MAGI3: variants seen among roughly 807,000 people sequenced by gnomAD.
MAGI3 encodes membrane-associated guanylate kinase, WW and PDZ domain-containing protein 3.
In MAGI3, 43 loss-of-function variants were observed where a neutral mutation model predicts 121.8. That is an observed-to-expected ratio of 0.35 (90% CI 0.28 to 0.46). The LOEUF (loss-of-function observed/expected upper bound fraction) is 0.46, where lower values mean the gene tolerates loss of function less well. MAGI3 is among the 20% of genes least tolerant of loss of function. The pLI, the probability that MAGI3 is intolerant of heterozygous loss-of-function variation, is 1.00. For synonymous variants in MAGI3, 553 were observed against 639.3 expected (o/e 0.86, Z 2.04); for missense variants, 1,547 against 1,797.3 (o/e 0.86, Z 2.52).
intron 1 of MAGI3, among the ~76,000 whole-genome samples, chr1:113,483,124 C>A (rs1271180559): frequency 6.6e-6 from 1 of 152,120 alleles, no homozygotes; most frequent in East Asian, 1.9e-4. Context: ...CTTTTCTTAC[C>A]TTTTAAAAGA....
intron 1 of MAGI3, chr1:113,450,299 T>A: frequency 6.4e-7 from 1 of 1,566,052 alleles, no homozygotes; most frequent in African/African-American, 1.4e-5. Flanking sequence ...TCTGGCAATT[T>A]TATGGGTCGC....
chr1:113,554,327 T>G (rs1281549150), intron 2 of MAGI3, among the ~76,000 whole-genome samples: 3 of 151,980 alleles, frequency 2.0e-5, no homozygotes, highest in Non-Finnish European at 4.4e-5. Flanking sequence ...ACCTTAAAAA[T>G]TCACTGAATG....
intron 4 of MAGI3, among the ~76,000 whole-genome samples, chr1:113,586,491 AGT>A (rs1273533857): frequency 6.6e-6 from 1 of 152,178 alleles, no homozygotes; most frequent in Non-Finnish European, 1.5e-5. Context: ...CCCACTCCAG[AGT>A]GTGAGTTCTG....
At chr1:113,575,838 T>A (rs973513315) in intron 2 of MAGI3, among the ~76,000 whole-genome samples, 3 of 152,186 alleles carry the variant, frequency 2.0e-5, no homozygotes, top group African/African-American at 7.2e-5. Context: ...GAGAGTTTTA[T>A]CTATAAGCCC....
rs752838959 is a variant in MAGI3, at chr1:113,683,900, C to G, written c.4332C>G (p.Phe1444Leu). Residue 1444 changes from phenylalanine to leucine, a missense_variant, in exon 21 of 21, where the codon TTC becomes TTG. Physicochemically the swap from Phe to Leu is conservative, Grantham distance 22. Coordinates refer to ENST00000307546, the MANE Select transcript of MAGI3 (RefSeq NM_001142782.2). ...AADKNKETGR[F>L]KPESSSPVKK... is the part of the protein sequence containing the mutation. ...ACAAAAACAAAGAGACTGGAAGGTT[C>G]AAACCGGAAAGCAGTTCTCCAGTTA... 5 of 1,611,808 alleles carry G rather than the reference C, an allele frequency of 3.1e-6. No individual in the cohort carries two copies. In the East Asian group the frequency reaches 6.7e-5, roughly 22 times the overall value.
intron 9 of MAGI3, among the ~76,000 whole-genome samples, chr1:113,626,685 G>T (rs1281802307): frequency 6.6e-6 from 1 of 152,146 alleles, no homozygotes; most frequent in Non-Finnish European, 1.5e-5. Context: ...TTGGTAAGTT[G>T]TGTGTGTCTA....
At chr1:113,487,827 A>G (rs1420105821) in intron 1 of MAGI3, among the ~76,000 whole-genome samples, 1 of 152,072 alleles carries the variant, frequency 6.6e-6, no homozygotes, top group African/African-American at 2.4e-5. Context: ...AGTTGATAAA[A>G]TAATTTTTTT....
At chr1:113,531,068 A>G (rs767878342) in intron 1 of MAGI3, among the ~76,000 whole-genome samples, 3 of 152,262 alleles carry the variant, frequency 2.0e-5, no homozygotes, top group Admixed American at 1.3e-4. Context: ...ATTTTGAAAC[A>G]TTACAAAATT....
intron 1 of MAGI3, among the ~76,000 whole-genome samples, chr1:113,454,269 A>G (rs1654637683): frequency 6.6e-6 from 1 of 152,190 alleles, no homozygotes; most frequent in Non-Finnish European, 1.5e-5. Flanking sequence ...GGGGTAGCTT[A>G]GCTCAGTCTT....
intron 1 of MAGI3, among the ~76,000 whole-genome samples, chr1:113,522,573 C>G (rs544789977): frequency 6.6e-6 from 1 of 152,182 alleles, no homozygotes; most frequent in Non-Finnish European, 1.5e-5. Context: ...TAATAATACT[C>G]ACCTCACAGG....
chr1:113,675,148 G>A (rs1647796380), intron 19 of MAGI3, among the ~76,000 whole-genome samples: 1 of 152,234 alleles, frequency 6.6e-6, no homozygotes, highest in Non-Finnish European at 1.5e-5. Flanking sequence ...TTTCCCCTCA[G>A]AGCAATCTGC....
rs151205056 is a variant in MAGI3 at position 113,538,985 on chromosome 1, A to G, written c.317-10530A>G. ...CCATTAATGACATTTAAAGGGCACA[A>G]TTTTTCACAATTTGGTTTCCAGTTT... is the stretch of plus-strand genomic sequence containing the variant. On this transcript the variant is annotated intron_variant, in intron 1 of 20. Coordinates refer to ENST00000307546, the MANE Select transcript of MAGI3 (RefSeq NM_001142782.2). 9.0e-3 allele frequency among the ~76,000 whole-genome samples: 1,363 copies of G among 152,226 alleles called. 19 individuals carry two copies. Among genetic ancestry groups the G allele is most frequent in the African/African-American group, 0.031 (1,272 of 41,536 alleles).
At chr1:113,567,065 G>T (rs1225454357) in intron 2 of MAGI3, among the ~76,000 whole-genome samples, 1 of 149,712 alleles carries the variant, frequency 6.7e-6, no homozygotes, top group African/African-American at 2.5e-5. Context: ...AAGAAAAAAA[G>T]ACTTAAATTT....
chr1:113,474,888 A>G (rs1655733216), intron 1 of MAGI3, among the ~76,000 whole-genome samples: 1 of 152,182 alleles, frequency 6.6e-6, no homozygotes, highest in African/African-American at 2.4e-5. Flanking sequence ...ATATTCTTCC[A>G]TTTGTTTGTG....
Position 113,521,885 on chromosome 1 carries a change from C to T in MAGI3, c.317-27630C>T, listed in dbSNP as rs188432330. ...ATTATTAGTCAGTTTTGCTTTCTTT[C>T]ATTTCTCCTTTTGATATGACTTCCT... On this transcript the variant is annotated intron_variant, in intron 1 of 20. Transcript: ENST00000307546. Among the ~76,000 whole-genome samples the T allele has an allele frequency of 1.4e-4, 21 of 152,168 alleles. No individual in the cohort carries two copies. In the East Asian group the frequency reaches 3.7e-3, roughly 27 times the overall value.
intron 1 of MAGI3, among the ~76,000 whole-genome samples, chr1:113,545,802 A>G (rs535374139): frequency 1.3e-5 from 2 of 152,324 alleles, no homozygotes; most frequent in East Asian, 3.9e-4. Context: ...TAATATTAGC[A>G]TTTAGAGCAA....
At chr1:113,511,760 A>T (rs1212596579) in intron 1 of MAGI3, among the ~76,000 whole-genome samples, 13 of 152,242 alleles carry the variant, frequency 8.5e-5, no homozygotes, top group Admixed American at 8.5e-4. Context: ...AAATGACTAG[A>T]TAAATAGTAG....
At chr1:113,532,831 C>T (rs1194992034) in intron 1 of MAGI3, among the ~76,000 whole-genome samples, 2 of 152,120 alleles carry the variant, frequency 1.3e-5, no homozygotes, top group Non-Finnish European at 2.9e-5. Flanking sequence ...GTAATAGAAT[C>T]ATGTAATATA....
At chr1:113,476,886 G>C (rs1205138887) in intron 1 of MAGI3, among the ~76,000 whole-genome samples, 1 of 152,184 alleles carries the variant, frequency 6.6e-6, no homozygotes, top group Non-Finnish European at 1.5e-5. Flanking sequence ...TTAAGGACTT[G>C]CTTTATGAAT....
Sources: gnomAD v4.1 joint callset for allele counts (sites outside exome capture counted in the v4.1 genomes callset) on GRCh38, gnomAD v4.1.1 for gene constraint, MANE v1.5 for transcripts, NCBI Gene and HGNC (gene_info 2026-07-23, HGNC 2026-07-21) for gene names.